DACH2: variants seen among roughly 807,000 people sequenced by gnomAD.
The protein encoded by DACH2 is dachshund family transcription factor 2, also known as dachshund homolog 2.
DACH2 carries 17 observed loss-of-function variants against 35.8 expected under a neutral mutation model. The ratio of observed to expected loss-of-function variants is 0.48; its 90% confidence interval spans 0.33 to 0.71. The LOEUF (loss-of-function observed/expected upper bound fraction) is 0.71. Ranked by LOEUF, DACH2 falls within the 30% of genes least tolerant of loss-of-function variation. The pLI is 0.02. For missense variants in DACH2, 469 were observed against 472.7 expected (o/e 0.99, Z 0.07); for synonymous variants, 195 against 177.3 (o/e 1.10, Z -0.79).
chrX:86,522,037 C>T (rs1032255813), intron 3 of DACH2, among the ~76,000 whole-genome samples: 12 of 111,169 alleles, frequency 1.1e-4, no homozygotes, highest in African/African-American at 3.6e-4. Flanking sequence ...CTATTTTTAT[C>T]TGATTTTATT....
At chrX:86,681,093 A>G (rs926767365) in intron 4 of DACH2, among the ~76,000 whole-genome samples, 2 of 110,889 alleles carry the variant, frequency 1.8e-5, no homozygotes, top group African/African-American at 6.6e-5. Context: ...ACTCCTTTCT[A>G]TCTTGCTTGA....
intron 2 of DACH2, among the ~76,000 whole-genome samples, chrX:86,477,169 T>C (rs1367030369): frequency 9.2e-6 from 1 of 109,268 alleles, no homozygotes; most frequent in Non-Finnish European, 1.9e-5. Context: ...ATTTGGTCTA[T>C]AGTGCAGATT....
chrX:86,820,481 C>A (rs2042500475), intron 11 of DACH2, among the ~76,000 whole-genome samples: 1 of 108,727 alleles, frequency 9.2e-6, no homozygotes, highest in South Asian at 3.9e-4. Flanking sequence ...TTTCCTGAAC[C>A]ATTTTTGCTC....
At position 86,651,539 on chromosome X, in the gene DACH2, T is replaced by A. The variant is rs753634659; in HGVS notation, c.772+372T>A. Among the ~76,000 whole-genome samples the A allele has an allele frequency of 1.4e-3, 152 of 111,599 alleles. 1 individual carries two copies. Among genetic ancestry groups the A allele is most frequent in the African/African-American group, 4.6e-3 (141 of 30,758 alleles). ...TGAAAGGCAATGCTGACAGTCCAGG[T>A]TGGCTGGGCTGAAGTCTTTTCAGCT... On this transcript the variant is annotated intron_variant, in intron 4 of 11. Coordinates refer to ENST00000373125, the MANE Select transcript of DACH2 (RefSeq NM_053281.3).
Position 86,148,648 on chromosome X carries a change from T to C in DACH2, c.28T>C (p.Ser10Pro). MAVSASPVI[S>P]ATSSGAGVPG... Reference sequence around the variant, plus strand: ...GGCTGTCTCCGCATCTCCAGTGATCTCTGCAACTTCCAGCGGCGCCGGCGT... The same window carrying C: ...GGCTGTCTCCGCATCTCCAGTGATCCCTGCAACTTCCAGCGGCGCCGGCGT... Residue 10 changes from serine to proline, a missense_variant, in exon 1 of 12, where the codon TCT (serine) becomes CCT (proline). Physicochemically the swap from Ser to Pro is moderately conservative, Grantham distance 74. Coordinates refer to ENST00000373125, the MANE Select transcript of DACH2 (RefSeq NM_053281.3). 5.1e-6 allele frequency: 6 copies of C among 1,183,070 alleles called. No individual in the cohort carries two copies. Among genetic ancestry groups the C allele is most frequent in the Non-Finnish European group, 6.8e-6 (6 of 880,957 alleles).
At chrX:86,534,458 T>G (rs775187607) in intron 3 of DACH2, among the ~76,000 whole-genome samples, 28 of 112,270 alleles carry the variant, frequency 2.5e-4, no homozygotes, top group African/African-American at 8.7e-4. Flanking sequence ...TCATTATATA[T>G]TTTCTTCCCT....
chrX:86,438,218 G>GTTTT (rs1238511934), intron 2 of DACH2, among the ~76,000 whole-genome samples: 2 of 97,754 alleles, frequency 2.0e-5, no homozygotes, highest in East Asian at 3.3e-4. Context: ...TGATCTCGTA[G>GTTTT]GTTTTTTTTT....
intron 2 of DACH2, among the ~76,000 whole-genome samples, chrX:86,456,184 G>T (rs1046254174): frequency 8.9e-6 from 1 of 112,012 alleles, no homozygotes; most frequent in Non-Finnish European, 1.9e-5. Flanking sequence ...TTCAGTGTGA[G>T]AACCTGGATA....
At chrX:86,214,189 A>G (rs2032515794) in intron 1 of DACH2, among the ~76,000 whole-genome samples, 1 of 111,308 alleles carries the variant, frequency 9.0e-6, no homozygotes, top group African/African-American at 3.3e-5. Context: ...CACATTGCTT[A>G]TAGGACACTC....
intron 1 of DACH2, among the ~76,000 whole-genome samples, chrX:86,167,072 T>C (rs1482699371): frequency 9.0e-6 from 1 of 111,630 alleles, no homozygotes; most frequent in Non-Finnish European, 1.9e-5. Flanking sequence ...ACTGGCCTCA[T>C]AAATTCAGTT....
rs2039220886 is a variant in DACH2 at position 86,561,841 on chromosome X, G to T, written c.640+47450G>T. ...GGTGCAGTGCACCAGCATGGCACAT[G>T]TATACATATGTAACTAACCTGCACA... On this transcript the variant is annotated intron_variant, in intron 3 of 11. Transcript: ENST00000373125. 4.2e-5 allele frequency among the ~76,000 whole-genome samples: 3 copies of T among 70,996 alleles called. No homozygotes were observed. The Admixed American group carries it at 4.7e-4, about 11-fold the overall frequency. 61.7% of individuals were successfully genotyped at this position (70,996 alleles called of 115,157 possible).
chrX:86,244,591 G>C (rs2147945291), intron 1 of DACH2, among the ~76,000 whole-genome samples: 1 of 111,613 alleles, frequency 9.0e-6, no homozygotes, highest in East Asian at 2.8e-4. Flanking sequence ...TCCAGCCTGG[G>C]CAGTAGAGTG....
intron 1 of DACH2, among the ~76,000 whole-genome samples, chrX:86,172,154 G>A (rs1041078814): frequency 1.8e-5 from 2 of 112,269 alleles, no homozygotes; most frequent in Middle Eastern, 4.7e-3. Context: ...ATATCTGAAA[G>A]TTTAAATTAC....
rs1344793269 is a variant in DACH2 at position 86,816,959 on chromosome X, C to A, written c.1750+860C>A. ...GTTGCTCGCTGGAATTAATCAGTGC[C>A]TTTCTCCTATGTGATGAGTGGATCT... is the stretch of plus-strand genomic sequence containing the variant. On this transcript the variant is annotated intron_variant, in intron 11 of 11. Transcript: ENST00000373125. 6.2e-5 allele frequency among the ~76,000 whole-genome samples: 7 copies of A among 112,050 alleles called. No individual in the cohort carries two copies. In the South Asian group the frequency reaches 1.5e-3, roughly 24 times the overall value.
intron 2 of DACH2, among the ~76,000 whole-genome samples, chrX:86,461,433 C>T (rs767083688): frequency 4.5e-5 from 5 of 110,892 alleles, no homozygotes; most frequent in South Asian, 7.5e-4. Context: ...CTACCACCAA[C>T]GTTTGGAAGA....
intron 2 of DACH2, among the ~76,000 whole-genome samples, chrX:86,431,430 C>T (rs1446521527): frequency 4.5e-5 from 5 of 111,727 alleles, no homozygotes; most frequent in Non-Finnish European, 9.4e-5. Flanking sequence ...CAAAATTTGT[C>T]ATAATATGTA....
chrX:86,698,824 C>T, intron 5 of DACH2, among the ~76,000 whole-genome samples: 2 of 110,205 alleles, frequency 1.8e-5, no homozygotes, highest in East Asian at 5.7e-4. Flanking sequence ...GCATGAGCCA[C>T]CGTGCCCAGC....
At chrX:86,341,322 A>C (rs2148060952) in intron 1 of DACH2, among the ~76,000 whole-genome samples, 1 of 111,857 alleles carries the variant, frequency 8.9e-6, no homozygotes, top group South Asian at 3.7e-4. Context: ...GGCCCTTAAA[A>C]AGTATGCTAA....
intron 11 of DACH2, among the ~76,000 whole-genome samples, chrX:86,820,247 T>C (rs2185879): frequency 0.28 from 30,828 of 111,071 alleles, 4,233 homozygotes; most frequent in Non-Finnish European, 0.42. Context: ...TTTCTGTGAA[T>C]AATTTTTACA....
Sources: allele counts gnomAD v4.1 joint callset (sites outside exome capture counted in the v4.1 genomes callset), GRCh38; gene constraint gnomAD v4.1.1; transcripts MANE v1.5; gene names NCBI Gene and HGNC (gene_info 2026-07-23, HGNC 2026-07-21).